The following ATP13A4 variants were observed in gnomAD, a reference collection of about 807,000 sequenced individuals.
ATP13A4 encodes the protein ATPase 13A4.
ATP13A4 carries 114 observed loss-of-function variants against 142.5 expected under a neutral mutation model. The observed-to-expected ratio is 0.80, with a 90% CI of 0.69 to 0.93. ATP13A4 has a LOEUF of 0.93. Ranked by LOEUF, ATP13A4 falls within the 40% of genes least tolerant of loss-of-function variation. The pLI is 0.00. For synonymous variants in ATP13A4, 488 were observed against 514.8 expected (o/e 0.95, Z 0.70); for missense variants, 1,392 against 1,454.0 (o/e 0.96, Z 0.69).
intron 25 of ATP13A4, among the ~76,000 whole-genome samples, chr3:193,430,684 A>G (rs1715921738): frequency 6.6e-6 from 1 of 152,112 alleles, no homozygotes; most frequent in Non-Finnish European, 1.5e-5. Context: ...AGTTGACCAC[A>G]GCTTGACAAT....
chr3:193,457,680 T>A (rs1244558191), intron 14 of ATP13A4, among the ~76,000 whole-genome samples: 1 of 152,218 alleles, frequency 6.6e-6, no homozygotes. Context: ...TTTGAATTAT[T>A]CATGCAATTT....
chr3:193,434,270 A>C (rs1716135630), intron 24 of ATP13A4, among the ~76,000 whole-genome samples: 1 of 152,228 alleles, frequency 6.6e-6, no homozygotes, highest in South Asian at 2.1e-4. Context: ...CACAATAAAA[A>C]AATACATCCC....
chr3:193,584,379 T>C (rs1724629452), intron 1 of ATP13A4, among the ~76,000 whole-genome samples: 1 of 152,176 alleles, frequency 6.6e-6, no homozygotes. Flanking sequence ...TAAAAAAGGA[T>C]TCTTCCCTAG....
intron 13 of ATP13A4, among the ~76,000 whole-genome samples, chr3:193,460,321 A>T (rs1039635092): frequency 5.3e-5 from 8 of 152,232 alleles, no homozygotes; most frequent in African/African-American, 1.2e-4. Context: ...ATTTCAAGAC[A>T]GACAATTACT....
At chr3:193,512,326 C>T (rs1721184432) in intron 2 of ATP13A4, among the ~76,000 whole-genome samples, 1 of 152,134 alleles carries the variant, frequency 6.6e-6, no homozygotes. Context: ...GCTCTGAGCC[C>T]CAGAAAGCAA....
At chr3:193,457,548 A>T in intron 14 of ATP13A4, 83 bp from the exon 15 acceptor site, 1 of 1,295,594 alleles carries the variant, frequency 7.7e-7, no homozygotes, top group South Asian at 1.2e-5. Flanking sequence ...TCCCCTTGAG[A>T]AGATCCTCAG....
chr3:193,487,370 C>T (rs1321576472), intron 7 of ATP13A4, among the ~76,000 whole-genome samples: 1 of 152,150 alleles, frequency 6.6e-6, no homozygotes, highest in Admixed American at 6.5e-5. Context: ...TGAAGAAATG[C>T]TCAACTCGTA....
At chr3:193,476,644 T>C (rs1219416966) in intron 8 of ATP13A4, among the ~76,000 whole-genome samples, 1 of 152,256 alleles carries the variant, frequency 6.6e-6, no homozygotes, top group South Asian at 2.1e-4. Context: ...AGCTTAATCA[T>C]TTCTAGCTTT....
At chr3:193,407,919 T>C (rs551413920) in intron 28 of ATP13A4, among the ~76,000 whole-genome samples, 54 of 152,322 alleles carry the variant, frequency 3.5e-4, no homozygotes, top group African/African-American at 1.3e-3. Flanking sequence ...GGCTTCACCC[T>C]CAGGACTGTG....
intron 1 of ATP13A4, among the ~76,000 whole-genome samples, chr3:193,516,171 T>G (rs1216097140): frequency 1.3e-5 from 2 of 152,134 alleles, no homozygotes; most frequent in Non-Finnish European, 2.9e-5. Flanking sequence ...AACAAGGGAG[T>G]TGGAACATAA....
At chr3:193,482,696 G>A (rs1719362922) in intron 8 of ATP13A4, among the ~76,000 whole-genome samples, 1 of 152,152 alleles carries the variant, frequency 6.6e-6, no homozygotes, top group Non-Finnish European at 1.5e-5. Context: ...TTAAAACAAC[G>A]ATGAGATACT....
intron 2 of ATP13A4, among the ~76,000 whole-genome samples, chr3:193,573,545 C>A (rs1188077656): frequency 6.6e-6 from 1 of 151,850 alleles, no homozygotes; most frequent in Non-Finnish European, 1.5e-5. Context: ...CCTCTGTGAA[C>A]CTCCTTCCCT....
In ATP13A4 at chr3:193,457,452, G is replaced by T. The variant is rs1378732024; in HGVS notation, c.1688C>A (p.Ser563Tyr). The change falls in exon 15 of 30, where the codon TCT becomes TAT. Residue 563 changes from serine to tyrosine, a missense_variant. Physicochemically the swap from Ser to Tyr is moderately radical, Grantham distance 144 (BLOSUM62 -2). Coordinates refer to ENST00000342695, the MANE Select transcript of ATP13A4 (RefSeq NM_032279.4). ...TCCCTTGATGTGGAAATCGTCCCCA[G>T]AAAAAGCCATTTCCTATTTCACAAA... ...FEATTWEMAF[S>Y]GDDFHIKGVP... 1 of 1,614,022 alleles carries T rather than the reference G, an allele frequency of 6.2e-7. No individual in the cohort carries two copies. The highest frequency in any genetic ancestry group is 8.5e-7 in the Non-Finnish European group (1 of 1,179,932).
At chr3:193,455,297 C>A (rs76084792) in intron 16 of ATP13A4, among the ~76,000 whole-genome samples, 23 of 143,678 alleles carry the variant, frequency 1.6e-4, no homozygotes, top group African/African-American at 5.9e-4. Context: ...GCCGAGATTG[C>A]GCCACTGCAC....
chr3:193,473,860 G>A (rs1718758831), intron 8 of ATP13A4, among the ~76,000 whole-genome samples: 1 of 152,138 alleles, frequency 6.6e-6, no homozygotes, highest in African/African-American at 2.4e-5. Context: ...AAGAGACATG[G>A]CAAACAAGAG....
upstream of ATP13A4, among the ~76,000 whole-genome samples, chr3:193,556,955 C>A (rs1238974061): frequency 3.9e-5 from 6 of 152,132 alleles, no homozygotes. Flanking sequence ...TATCAGTGCT[C>A]CTGGGCAGGT....
At chr3:193,470,586 G>C (rs980717214) in intron 9 of ATP13A4, among the ~76,000 whole-genome samples, 1 of 152,206 alleles carries the variant, frequency 6.6e-6, no homozygotes. Context: ...AAATGAGAGG[G>C]TTGTAATAAT....
intron 9 of ATP13A4, among the ~76,000 whole-genome samples, chr3:193,469,391 C>T (rs1305730643): frequency 6.6e-6 from 1 of 152,078 alleles, no homozygotes; most frequent in African/African-American, 2.4e-5. Flanking sequence ...TTTGGGAGGC[C>T]CAGGAGGGTG....
intron 2 of ATP13A4, among the ~76,000 whole-genome samples, chr3:193,574,953 C>A (rs1003592979): frequency 2.6e-5 from 4 of 152,142 alleles, no homozygotes; most frequent in Non-Finnish European, 5.9e-5. Flanking sequence ...CTACTCTGAC[C>A]AGTAGAATAT....
Sources: gnomAD v4.1 joint callset for allele counts (sites outside exome capture counted in the v4.1 genomes callset) on GRCh38, gnomAD v4.1.1 for gene constraint, MANE v1.5 for transcripts, NCBI Gene and HGNC (gene_info 2026-07-23, HGNC 2026-07-21) for gene names.